The following SPINK9 variants were observed in gnomAD, a reference collection of about 807,000 sequenced individuals.
The protein encoded by SPINK9 is serine protease inhibitor Kazal-type 9.
Under a neutral mutation model 10.8 loss-of-function variants are expected in SPINK9, and 3 were observed. The observed-to-expected ratio is 0.28, with a 90% CI of 0.13 to 0.72. The LOEUF is 0.72. Ranked by LOEUF, SPINK9 falls within the 30% of genes least tolerant of loss-of-function variation. The pLI is 0.74. For missense variants in SPINK9, 101 were observed against 103.2 expected (o/e 0.98, Z 0.09); for synonymous variants, 30 against 31.2 (o/e 0.96, Z 0.12).
intron 2 of SPINK9, among the ~76,000 whole-genome samples, chr5:148,328,610 G>T (rs1228332925): frequency 6.6e-6 from 1 of 152,114 alleles, no homozygotes; most frequent in Non-Finnish European, 1.5e-5. Context: ...TCCAGTTTTT[G>T]CCCATTCAGT....
At chr5:148,326,058 C>CA (rs1160397758) in intron 2 of SPINK9, among the ~76,000 whole-genome samples, 9 of 151,896 alleles carry the variant, frequency 5.9e-5, no homozygotes, top group South Asian at 2.1e-4. Flanking sequence ...AATTCAGTGA[C>CA]AAAAAAACTA....
chr5:148,322,688 G>A (rs1161237281), intron 1 of SPINK9, among the ~76,000 whole-genome samples: 2 of 152,148 alleles, frequency 1.3e-5, no homozygotes, highest in South Asian at 2.1e-4. Flanking sequence ...CACTTTCATA[G>A]CCCAGTTGTA....
upstream of SPINK9, among the ~76,000 whole-genome samples, chr5:148,331,075 G>A (rs934118021): frequency 5.3e-5 from 8 of 152,282 alleles, no homozygotes; most frequent in East Asian, 1.9e-4. Context: ...GCTCACGCAC[G>A]GTGCGCTGCA....
chr5:148,326,838 T>A (rs552379888), intron 2 of SPINK9, among the ~76,000 whole-genome samples: 5 of 152,246 alleles, frequency 3.3e-5, no homozygotes, highest in South Asian at 4.2e-4. Context: ...ACAAAGGACA[T>A]GAACTCATCA....
At chr5:148,338,646 AGTATATATTAAGACAAATTAGAAG>A in intron 3 of SPINK9, 41 bp downstream of exon 3, 1 of 1,443,442 alleles carries the variant, frequency 6.9e-7, no homozygotes, top group Non-Finnish European at 9.5e-7. Flanking sequence ...TTAAGGTAAA[AGTATATATTAAGACAAATTAGAAG>A]GTGTGATGTA....
At chr5:148,332,470 G>A (rs753477292), upstream of SPINK9, among the ~76,000 whole-genome samples, 3 of 152,158 alleles carry the variant, frequency 2.0e-5, no homozygotes, top group Non-Finnish European at 4.4e-5. Context: ...ATACCAATAG[G>A]TTTTTCTAGG....
At position 148,338,467 on chromosome 5, in the gene SPINK9, T is replaced by C. The variant is rs781239676; in HGVS notation, c.88-11T>C. On this transcript the variant is annotated splice_polypyrimidine_tract_variant and intron_variant, in intron 2 of 3. Transcript: ENST00000377906. ...TTGAAAGAGTTGAAGGTTTTTAATA[T>C]GTTTTTTCAGGTTGACTGCAGTCAT... 30 of 1,585,504 alleles carry C rather than the reference T, an allele frequency of 1.9e-5. No homozygotes were observed. Among genetic ancestry groups the C allele is most frequent in the Non-Finnish European group, 2.2e-5 (26 of 1,170,916 alleles).
In SPINK9 at chr5:148,323,789, TA is replaced by T; in HGVS notation, c.43del (p.Thr15LeufsTer18). On this transcript the variant is annotated frameshift_variant, in exon 2 of 5. Transcript: ENST00000511717. LOFTEE classifies it high-confidence loss of function. The stretch of plus-strand genomic sequence containing the variant: ...ATCCTTCTCATCATTGTTTTCATTA[TA>T]AAACTCCACCAAGCAGCTCAGGAGA... 1 of 701,334 alleles carries T rather than the reference TA, an allele frequency of 1.4e-6. No individual in the cohort carries two copies. The highest frequency in any genetic ancestry group is 1.5e-5 in the South Asian group (1 of 67,478). 43.4% of individuals were successfully genotyped at this position (701,334 alleles called of 1,614,324 possible).
intron 2 of SPINK9, among the ~76,000 whole-genome samples, chr5:148,338,216 A>C (rs956472531): frequency 1.3e-5 from 2 of 152,138 alleles, no homozygotes; most frequent in African/African-American, 4.8e-5. Flanking sequence ...TGATACATCA[A>C]CCAGTATTGT....
intron 2 of SPINK9, among the ~76,000 whole-genome samples, chr5:148,325,500 A>G (rs1406962940): frequency 6.6e-6 from 1 of 152,078 alleles, no homozygotes; most frequent in African/African-American, 2.4e-5. Context: ...GTTGATTTTC[A>G]TGTCCCTAAT....
chr5:148,326,075 T>C (rs1450973755), intron 2 of SPINK9, among the ~76,000 whole-genome samples: 1 of 152,104 alleles, frequency 6.6e-6, no homozygotes, highest in African/African-American at 2.4e-5. Flanking sequence ...ACTATTAAAA[T>C]TGGGACAAGG....
chr5:148,334,387 G>A (rs1186286084), upstream of SPINK9, among the ~76,000 whole-genome samples: 1 of 152,158 alleles, frequency 6.6e-6, no homozygotes, highest in Non-Finnish European at 1.5e-5. Flanking sequence ...AAAGGGTCCA[G>A]AGGACCTTAA....
Position 148,335,559 on chromosome 5 carries a change from G to A in SPINK9, c.-55G>A, listed in dbSNP as rs922008780. On this transcript the variant is annotated 5_prime_UTR_variant, in exon 1 of 4. Transcript: ENST00000377906. Reference sequence around the variant, plus strand: ...AAGGCAGGATCAAAGTGAGCTGGACGGACACCAGGTCACTTCTTTTCCCTA... The same window carrying A: ...AAGGCAGGATCAAAGTGAGCTGGACAGACACCAGGTCACTTCTTTTCCCTA... 1.0e-5 allele frequency: 15 copies of A among 1,506,346 alleles called. No homozygotes were observed. Among genetic ancestry groups the A allele is most frequent in the Admixed American group, 3.4e-5 (2 of 59,016 alleles). The allele number at this position is 1,506,346 out of a possible 1,614,324, so 93.3% of individuals were successfully genotyped here.
At chr5:148,339,553 A>C (rs1284976811) in intron 3 of SPINK9, 114 bp from the exon 4 acceptor site, 1 of 870,330 alleles carries the variant, frequency 1.1e-6, no homozygotes, top group Non-Finnish European at 1.8e-6. Context: ...TTTTAAAAAC[A>C]TCAATAAGCG....
chr5:148,321,844 T>A (rs1220628466), intron 1 of SPINK9, among the ~76,000 whole-genome samples: 1 of 152,212 alleles, frequency 6.6e-6, no homozygotes, highest in African/African-American at 2.4e-5. Flanking sequence ...TCAATTTGTA[T>A]GAGTAAAAAT....
At chr5:148,326,662 C>T (rs1041775687) in intron 2 of SPINK9, among the ~76,000 whole-genome samples, 1 of 152,074 alleles carries the variant, frequency 6.6e-6, no homozygotes, top group African/African-American at 2.4e-5. Flanking sequence ...TATCCCTCCC[C>T]CTGCCCCCAC....
At chr5:148,322,918 A>C (rs1757015194) in intron 1 of SPINK9, among the ~76,000 whole-genome samples, 1 of 152,138 alleles carries the variant, frequency 6.6e-6, no homozygotes, top group African/African-American at 2.4e-5. Flanking sequence ...AAGTATCCCC[A>C]ATCTTTCTGA....
intron 2 of SPINK9, among the ~76,000 whole-genome samples, chr5:148,327,389 C>T (rs7714438): frequency 0.36 from 54,846 of 151,636 alleles, 11,019 homozygotes; most frequent in East Asian, 0.58. Context: ...GAGTTCATTG[C>T]AGATTCTGGA....
intron 2 of SPINK9, among the ~76,000 whole-genome samples, chr5:148,330,393 G>A (rs1757132514): frequency 6.6e-6 from 1 of 152,224 alleles, no homozygotes; most frequent in South Asian, 2.1e-4. Context: ...TTGAGCCTAT[G>A]TGTTTGTCTG....
Sources: allele counts gnomAD v4.1 joint callset (sites outside exome capture counted in the v4.1 genomes callset), GRCh38; gene constraint gnomAD v4.1.1; transcripts MANE v1.5; gene names NCBI Gene and HGNC (gene_info 2026-07-23, HGNC 2026-07-21).